DGKI: variants seen among roughly 807,000 people sequenced by gnomAD.
DGKI encodes the protein DAG kinase iota.
In DGKI, 55 loss-of-function variants were observed where a neutral mutation model predicts 147.5. The ratio of observed to expected loss-of-function variants is 0.37; its 90% CI spans 0.30 to 0.47. The LOEUF is 0.47. Ranked by LOEUF, DGKI falls within the 20% of genes least tolerant of loss-of-function variation. DGKI has a pLI of 1.00. For synonymous variants in DGKI, 469 were observed against 477.1 expected, an observed-to-expected ratio of 0.98 and a Z score of 0.22; for missense variants, 1,007 against 1,323.8, an observed-to-expected ratio of 0.76 and a Z score of 3.71.
Position 137,610,635 on chromosome 7 carries a change from AG to A in DGKI, c.994-1027del, listed in dbSNP as rs1277505867. ...AGAAACACAGAATTCTTAAATTAAA[AG>A]TTTATATAAGTATATATGCATGCAT... is the stretch of plus-strand genomic sequence containing the variant. On this transcript the variant is annotated intron_variant, in intron 8 of 32. Transcript: ENST00000614521. 2.0e-5 allele frequency among the ~76,000 whole-genome samples: 3 copies of A among 152,236 alleles called. 1 individual carries two copies. The highest frequency in any genetic ancestry group is 4.4e-5 in the Non-Finnish European group (3 of 68,040).
At chr7:137,835,671 C>T (rs940882220) in intron 1 of DGKI, among the ~76,000 whole-genome samples, 1 of 152,020 alleles carries the variant, frequency 6.6e-6, no homozygotes, top group Admixed American at 6.5e-5. Flanking sequence ...AGGGCAATGA[C>T]AATGGCAATG....
chr7:137,797,364 G>C lies in DGKI; in HGVS notation c.401+49098C>G, dbSNP rs544397340. Among the ~76,000 whole-genome samples, 24 of 152,146 alleles carry C rather than the reference G, an allele frequency of 1.6e-4. 1 individual carries two copies. In the South Asian group the frequency reaches 4.4e-3, roughly 28 times the overall value. ...ACTTGAGTATCCATGGAGAAATAAA[G>C]ACCACCAATAAAGGTAACCACATAG... On this transcript the variant is annotated intron_variant, in intron 1 of 32. Transcript: ENST00000614521.
chr7:137,443,099 G>C (rs1397668623), intron 28 of DGKI, among the ~76,000 whole-genome samples: 1 of 152,164 alleles, frequency 6.6e-6, no homozygotes, highest in African/African-American at 2.4e-5. Flanking sequence ...CACATGGCTG[G>C]AAAACAGATC....
intron 19 of DGKI, among the ~76,000 whole-genome samples, chr7:137,562,131 C>T (rs1818437841): frequency 6.6e-6 from 1 of 152,192 alleles, no homozygotes; most frequent in Non-Finnish European, 1.5e-5. Context: ...AAAGGACTTT[C>T]TATTTGTCTT....
At chr7:137,448,050 G>T (rs1408927369) in intron 27 of DGKI, among the ~76,000 whole-genome samples, 2 of 152,128 alleles carry the variant, frequency 1.3e-5, no homozygotes, top group Non-Finnish European at 2.9e-5. Flanking sequence ...AGTAAAAATA[G>T]AGCTAAGTTT....
At chr7:137,597,742 G>A (rs1819846433) in intron 12 of DGKI, 105 bp downstream of exon 12, 1 of 1,028,602 alleles carries the variant, frequency 9.7e-7, no homozygotes, top group Non-Finnish European at 1.5e-6. Context: ...ATATACATGT[G>A]TTAGGGGATT....
chr7:137,722,899 A>AT, intron 1 of DGKI: 1 of 771,734 alleles, frequency 1.3e-6, no homozygotes, highest in Admixed American at 2.4e-5. Flanking sequence ...TAAAAAAAAA[A>AT]AAAAGTATAG....
At chr7:137,737,860 T>A (rs769781962) in intron 1 of DGKI, among the ~76,000 whole-genome samples, 4 of 152,130 alleles carry the variant, frequency 2.6e-5, no homozygotes, top group Non-Finnish European at 5.9e-5. Context: ...CTTGGGAATC[T>A]GAGACTTCAC....
chr7:137,471,955 A>G (rs1814914429), intron 23 of DGKI, among the ~76,000 whole-genome samples: 1 of 129,296 alleles, frequency 7.7e-6, no homozygotes, highest in African/African-American at 3.3e-5. Flanking sequence ...ACATGTATAT[A>G]TTATATATTA....
intron 1 of DGKI, among the ~76,000 whole-genome samples, chr7:137,770,527 T>C (rs1316231499): frequency 8.2e-6 from 1 of 121,792 alleles, no homozygotes; most frequent in Non-Finnish European, 1.6e-5. Flanking sequence ...TAAATTATAC[T>C]CAGTGGGTTT....
intron 27 of DGKI, among the ~76,000 whole-genome samples, chr7:137,446,842 A>G (rs1918839): frequency 0.81 from 122,825 of 152,090 alleles, 50,784 homozygotes; most frequent in South Asian, 0.92. Context: ...TTCAATCCCA[A>G]AAAGAGATAA....
In DGKI at chr7:137,456,279, G is replaced by A. The variant is rs150226232; in HGVS notation, c.2735+7210C>T. On this transcript the variant is annotated intron_variant, in intron 27 of 32. Coordinates refer to ENST00000614521, the MANE Select transcript of DGKI (RefSeq NM_001321708.2). ...ATATTCAAATTTGAAATATATAAAT[G>A]GAACCCACAGCCTAACAAAAATGGT... Among the ~76,000 whole-genome samples the A allele has an allele frequency of 5.9e-3, 901 of 152,168 alleles. 10 individuals carry two copies. Among genetic ancestry groups the A allele is most frequent in the African/African-American group, 0.021 (856 of 41,496 alleles).
Position 137,466,047 on chromosome 7 carries a change from C to T in DGKI, c.2485-12G>A, listed in dbSNP as rs1554409104. 2 of 1,612,902 alleles carry T rather than the reference C, an allele frequency of 1.2e-6. No individual in the cohort carries two copies. Among genetic ancestry groups the T allele is most frequent in the Non-Finnish European group, 1.7e-6 (2 of 1,179,284 alleles). On this transcript the variant is annotated splice_polypyrimidine_tract_variant and intron_variant, in intron 25 of 32. Transcript: ENST00000614521. ...AAGTGCAAATGTTCCTAAAGAAGAA[C>T]AAGAAGTCTGTTGCATGAAGAATAA... is the stretch of plus-strand genomic sequence containing the variant.
At chr7:137,417,915 T>A (rs1458536812) in intron 28 of DGKI, among the ~76,000 whole-genome samples, 1 of 151,958 alleles carries the variant, frequency 6.6e-6, no homozygotes, top group Non-Finnish European at 1.5e-5. Context: ...TTGATCTTGG[T>A]CTTCCCAGAA....
At chr7:137,477,307 T>C (rs1015818881) in intron 23 of DGKI, among the ~76,000 whole-genome samples, 11 of 152,240 alleles carry the variant, frequency 7.2e-5, no homozygotes, top group Admixed American at 2.0e-4. Flanking sequence ...TGGGTAACTT[T>C]GCTGTATGCA....
chr7:137,819,468 G>A (rs1409935611), intron 1 of DGKI, among the ~76,000 whole-genome samples: 5 of 151,942 alleles, frequency 3.3e-5, no homozygotes, highest in Non-Finnish European at 4.4e-5. Context: ...CCGCCACCAC[G>A]CCCAGCTAAT....
intron 23 of DGKI, among the ~76,000 whole-genome samples, chr7:137,484,087 CT>C (rs1815467206): frequency 6.6e-6 from 1 of 151,960 alleles, no homozygotes; most frequent in Non-Finnish European, 1.5e-5. Flanking sequence ...ACTTTTCTTC[CT>C]TTCAAGGCCA....
chr7:137,518,024 A>T (rs964288864), intron 21 of DGKI, among the ~76,000 whole-genome samples: 8 of 152,118 alleles, frequency 5.3e-5, no homozygotes, highest in Non-Finnish European at 1.2e-4. Context: ...GAGCTGCCTC[A>T]AGCCAGGAAG....
intron 27 of DGKI, among the ~76,000 whole-genome samples, chr7:137,450,690 C>T (rs116383920): frequency 0.012 from 1,821 of 152,092 alleles, 41 homozygotes; most frequent in African/African-American, 0.041. Context: ...CCGTTGCACT[C>T]CTGCCTGGAC....
Sources: gnomAD v4.1 joint callset for allele counts (sites outside exome capture counted in the v4.1 genomes callset) on GRCh38, gnomAD v4.1.1 for gene constraint, MANE v1.5 for transcripts, NCBI Gene and HGNC (gene_info 2026-07-23, HGNC 2026-07-21) for gene names.